Variants in CACNA2D3 observed in about 807,000 individuals in gnomAD.
CACNA2D3 encodes the protein calcium voltage-gated channel auxiliary subunit alpha2delta 3.
A neutral mutation model predicts 160.6 loss-of-function variants in CACNA2D3; 60 were observed. That is an observed-to-expected ratio of 0.37 (90% CI 0.30 to 0.46). The LOEUF is 0.46. Among genes scored for constraint, CACNA2D3 ranks in the 20% least tolerant of loss-of-function variants. The pLI is 1.00. For missense variants in CACNA2D3, 1,205 were observed against 1,365.0 expected, an observed-to-expected ratio of 0.88 and a Z score of 1.85; for synonymous variants, 558 against 492.9, an observed-to-expected ratio of 1.13 and a Z score of -1.75.
chr3:54,425,133 C>G (rs1486112390), intron 4 of CACNA2D3, among the ~76,000 whole-genome samples: 2 of 152,178 alleles, frequency 1.3e-5, no homozygotes, highest in Non-Finnish European at 2.9e-5. Flanking sequence ...AGTTCGAGAC[C>G]AGCCTGGCCA....
intron 5 of CACNA2D3, among the ~76,000 whole-genome samples, chr3:54,558,936 A>T (rs900824436): frequency 3.9e-5 from 6 of 152,244 alleles, no homozygotes; most frequent in African/African-American, 1.4e-4. Context: ...GAGGAGAACA[A>T]GGGATCTAGC....
chr3:54,808,623 T>C (rs1293178921), intron 13 of CACNA2D3, among the ~76,000 whole-genome samples: 2 of 152,172 alleles, frequency 1.3e-5, no homozygotes, highest in African/African-American at 2.4e-5. Flanking sequence ...CTTGGCCTCT[T>C]ACCTAGGGCA....
At chr3:55,011,271 C>CA (rs1345658842) in intron 34 of CACNA2D3, among the ~76,000 whole-genome samples, 2 of 152,234 alleles carry the variant, frequency 1.3e-5, no homozygotes, top group African/African-American at 4.8e-5. Context: ...CATCCACACA[C>CA]ATGCACATTG....
At chr3:54,408,775 C>T (rs1699618083) in intron 4 of CACNA2D3, among the ~76,000 whole-genome samples, 2 of 152,110 alleles carry the variant, frequency 1.3e-5, no homozygotes, top group South Asian at 2.1e-4. Flanking sequence ...TTTGCTTCTT[C>T]GATGATGCTT....
chr3:54,675,086 T>C (rs1700216854), intron 11 of CACNA2D3, among the ~76,000 whole-genome samples: 1 of 151,984 alleles, frequency 6.6e-6, no homozygotes, highest in Non-Finnish European at 1.5e-5. Flanking sequence ...CACCACAGGA[T>C]CTGGGCTTTT....
intron 4 of CACNA2D3, among the ~76,000 whole-genome samples, chr3:54,489,970 C>T (rs1553697065): frequency 6.6e-6 from 1 of 152,128 alleles, no homozygotes; most frequent in Non-Finnish European, 1.5e-5. Flanking sequence ...CCAGACGGCA[C>T]TAAACCTTTG....
At chr3:54,989,351 G>T (rs1198164594) in intron 31 of CACNA2D3, among the ~76,000 whole-genome samples, 2 of 152,116 alleles carry the variant, frequency 1.3e-5, no homozygotes, top group Non-Finnish European at 2.9e-5. Flanking sequence ...AGTACAGTTG[G>T]CATGAATCTA....
chr3:54,932,345 A>G (rs987156275), intron 27 of CACNA2D3, among the ~76,000 whole-genome samples: 2 of 151,982 alleles, frequency 1.3e-5, no homozygotes, highest in African/African-American at 2.4e-5. Context: ...AATTAACCCT[A>G]TAAATACGCG....
At chr3:54,998,164 T>C (rs1702900512) in intron 31 of CACNA2D3, among the ~76,000 whole-genome samples, 1 of 148,956 alleles carries the variant, frequency 6.7e-6, no homozygotes, top group Admixed American at 6.8e-5. Flanking sequence ...AGTCTTGCTC[T>C]ATTGCCCATG....
chr3:54,147,360 A>G (rs1052217492), intron 2 of CACNA2D3, among the ~76,000 whole-genome samples: 3 of 152,262 alleles, frequency 2.0e-5, no homozygotes, highest in Admixed American at 2.0e-4. Context: ...AGTATTTGGC[A>G]TATATGGAAT....
chr3:54,224,345 C>T (rs944577602), intron 2 of CACNA2D3, among the ~76,000 whole-genome samples: 1 of 152,020 alleles, frequency 6.6e-6, no homozygotes. Context: ...ATAGTAAATA[C>T]GTAAACCACT....
intron 2 of CACNA2D3, among the ~76,000 whole-genome samples, chr3:54,262,553 A>G (rs956747799): frequency 6.6e-6 from 1 of 152,160 alleles, no homozygotes; most frequent in African/African-American, 2.4e-5. Context: ...AGGCTTTCAA[A>G]AGAGATACAG....
At chr3:54,183,446 C>G (rs1324467433) in intron 2 of CACNA2D3, among the ~76,000 whole-genome samples, 2 of 151,992 alleles carry the variant, frequency 1.3e-5, no homozygotes, top group Non-Finnish European at 2.9e-5. Context: ...AGGGTTAGAT[C>G]TGCATCCTGG....
At chr3:54,895,085 C>T (rs988668196) in intron 25 of CACNA2D3, among the ~76,000 whole-genome samples, 2 of 152,060 alleles carry the variant, frequency 1.3e-5, no homozygotes, top group Admixed American at 6.6e-5. Context: ...TATGTCAGAC[C>T]GTTTTTGACC....
chr3:54,204,333 C>G (rs946834094), intron 2 of CACNA2D3, among the ~76,000 whole-genome samples: 8 of 151,380 alleles, frequency 5.3e-5, no homozygotes, highest in African/African-American at 2.0e-4. Context: ...GTGTATATAC[C>G]ATATATATAA....
intron 13 of CACNA2D3, among the ~76,000 whole-genome samples, chr3:54,797,178 G>T (rs758835647): frequency 6.6e-6 from 1 of 152,306 alleles, no homozygotes; most frequent in East Asian, 1.9e-4. Context: ...GTGACATTGT[G>T]TCTTTTGTTT....
rs1701368862 is a variant in CACNA2D3, at chr3:54,937,847, A to C, written c.2450-30603A>C. Among the ~76,000 whole-genome samples the C allele has an allele frequency of 2.0e-5, 3 of 152,078 alleles. No individual in the cohort carries two copies. The South Asian group carries it at 6.2e-4, about 32-fold the overall frequency. On this transcript the variant is annotated intron_variant, in intron 27 of 37. Coordinates refer to ENST00000474759, the MANE Select transcript of CACNA2D3 (RefSeq NM_018398.3). ...CATGATCACAGCACAGAGGGTGAGG[A>C]AGGAGCTTGGGCAAGCAGGTGCTGG... is the stretch of plus-strand genomic sequence containing the variant.
chr3:54,867,136 C>G (rs1699420446), intron 17 of CACNA2D3, among the ~76,000 whole-genome samples: 2 of 152,146 alleles, frequency 1.3e-5, no homozygotes, highest in Non-Finnish European at 2.9e-5. Context: ...GCCCCGGTAA[C>G]CAACTCCTCA....
Position 54,805,615 on chromosome 3 carries a change from C to T in CACNA2D3, c.1381-11238C>T, listed in dbSNP as rs532167247. ...CAGATGGATTCACAGCCGAATTCTACCAGAGGTACAAAGAGGAATTGGTAC... is the reference window on the plus strand; with the variant it reads ...CAGATGGATTCACAGCCGAATTCTATCAGAGGTACAAAGAGGAATTGGTAC... On this transcript the variant is annotated intron_variant, in intron 13 of 37. Transcript: ENST00000474759. Among the ~76,000 whole-genome samples the T allele has an allele frequency of 3.9e-3, 593 of 152,256 alleles. 5 individuals carry two copies. The highest frequency in any genetic ancestry group is 0.014 in the Middle Eastern group (4 of 294).
Sources: allele counts gnomAD v4.1 joint callset (sites outside exome capture counted in the v4.1 genomes callset), GRCh38; gene constraint gnomAD v4.1.1; transcripts MANE v1.5; gene names NCBI Gene and HGNC (gene_info 2026-07-23, HGNC 2026-07-21).